Variants in SMCHD1 observed in about 807,000 individuals in gnomAD.
The protein encoded by SMCHD1 is structural maintenance of chromosomes flexible hinge domain containing 1.
A neutral mutation model predicts 254.7 loss-of-function variants in SMCHD1; 78 were observed. The ratio of observed to expected loss-of-function variants is 0.31; its 90% CI spans 0.26 to 0.37. The LOEUF is 0.37. SMCHD1 is among the 10% of genes least tolerant of loss of function. SMCHD1 has a pLI of 1.00. For missense variants in SMCHD1, 1,840 were observed against 2,408.1 expected, an observed-to-expected ratio of 0.76 and a Z score of 4.94; for synonymous variants, 766 against 794.9, an observed-to-expected ratio of 0.96 and a Z score of 0.61.
chr18:2,690,802 A>T (rs769589698), intron 7 of SMCHD1, among the ~76,000 whole-genome samples: 10 of 151,850 alleles, frequency 6.6e-5, no homozygotes, highest in Non-Finnish European at 1.0e-4. Context: ...AACTTTTTAA[A>T]TGTTCATGGC....
At chr18:2,742,831 T>G (rs1046235349) in intron 28 of SMCHD1, among the ~76,000 whole-genome samples, 37 of 152,208 alleles carry the variant, frequency 2.4e-4, no homozygotes, top group African/African-American at 8.4e-4. Context: ...CGCATGCCAC[T>G]ACACCTGGCT....
At chr18:2,790,813 G>C (rs1402330170) in intron 45 of SMCHD1, among the ~76,000 whole-genome samples, 1 of 152,038 alleles carries the variant, frequency 6.6e-6, no homozygotes, top group Non-Finnish European at 1.5e-5. Context: ...AATGTCCCTA[G>C]CATAAAGAAA....
chr18:2,691,863 G>A (rs2074187600), intron 7 of SMCHD1: 1 of 152,232 alleles, frequency 6.6e-6, no homozygotes, highest in Non-Finnish European at 1.5e-5. Context: ...TGATCTCACT[G>A]CCACAATTGC....
chr18:2,704,164 A>G (rs1049985617), intron 13 of SMCHD1, among the ~76,000 whole-genome samples: 5 of 152,130 alleles, frequency 3.3e-5, no homozygotes, highest in Non-Finnish European at 7.4e-5. Flanking sequence ...GTAACAACAA[A>G]TAATGCAAAT....
At chr18:2,660,301 G>A (rs181089753) in intron 1 of SMCHD1, among the ~76,000 whole-genome samples, 19 of 152,010 alleles carry the variant, frequency 1.2e-4, no homozygotes, top group African/African-American at 4.1e-4. Flanking sequence ...CTCTAGCCTG[G>A]GTGGCAGAGC....
At chr18:2,768,164 T>TAA (rs55746253) in intron 37 of SMCHD1, among the ~76,000 whole-genome samples, 11 of 147,720 alleles carry the variant, frequency 7.4e-5, no homozygotes, top group Non-Finnish European at 1.3e-4. Context: ...GCAAATCAAT[T>TAA]AAAAAAAAAA....
rs2073458481 is a variant in SMCHD1 at position 2,666,976 on chromosome 18, A to G, written c.369A>G (p.Thr123=). ...ERIDFLPHYD[T]LVKSGMYEYY... ...TTGACTTCTTACCTCACTATGACAC[A>G]CTGGTTAAAAGTGGCATGTATGAAT... The change falls in exon 3 of 48, where the codon ACA becomes ACG. Residue 123 remains threonine, a synonymous_variant. Transcript: ENST00000320876. 5 of 1,607,924 alleles carry G rather than the reference A, an allele frequency of 3.1e-6. No individual in the cohort carries two copies. The highest frequency in any genetic ancestry group is 1.7e-5 in the Admixed American group (1 of 58,978).
chr18:2,706,580 A>C, intron 15 of SMCHD1, 110 bp downstream of exon 15: 1 of 705,388 alleles, frequency 1.4e-6, no homozygotes, highest in Middle Eastern at 2.5e-4. Flanking sequence ...TTGTAGTCTT[A>C]GATATTGTAC....
intron 17 of SMCHD1, among the ~76,000 whole-genome samples, chr18:2,711,552 G>C (rs908507068): frequency 7.2e-6 from 1 of 138,376 alleles, no homozygotes; most frequent in African/African-American, 2.7e-5. Context: ...GCGGGATCTC[G>C]GCTCACTGCA....
chr18:2,763,301 T>C (rs903367543), intron 36 of SMCHD1, among the ~76,000 whole-genome samples: 1 of 152,218 alleles, frequency 6.6e-6, no homozygotes, highest in Non-Finnish European at 1.5e-5. Context: ...ATAAAATATT[T>C]AAAGTCACTA....
At position 2,796,418 on chromosome 18, in the gene SMCHD1, A is replaced by G; in HGVS notation, c.5890A>G (p.Ile1964Val). 6.3e-7 allele frequency: 1 copy of G among 1,589,348 alleles called. No homozygotes were observed. The highest frequency in any genetic ancestry group is 8.6e-7 in the Non-Finnish European group (1 of 1,166,730). ...LIEEKLGMTP[I>V]RKCNDSLRHS... is the part of the protein sequence containing the mutation. ...TTCCATCTTCACAGGTATGACTCCC[A>G]TACGTAAGTGTAATGACTCATTGCG... Residue 1964 changes from isoleucine (I) to valine (V), a missense_variant, in exon 47 of 48, where the codon ATA (isoleucine) becomes GTA (valine). Ile to Val is a conservative substitution (Grantham distance 29). Around this residue, in one of 9 missense-constraint regions of SMCHD1, gnomAD observed 132 missense variants for 138.2 expected, o/e 0.95. Coordinates refer to ENST00000320876, the MANE Select transcript of SMCHD1 (RefSeq NM_015295.3).
At chr18:2,791,352 G>A (rs912931355) in intron 45 of SMCHD1, among the ~76,000 whole-genome samples, 2 of 152,184 alleles carry the variant, frequency 1.3e-5, no homozygotes, top group African/African-American at 4.8e-5. Context: ...CACTTTGGGA[G>A]ACCAAGATGG....
intron 17 of SMCHD1, among the ~76,000 whole-genome samples, chr18:2,716,263 C>T (rs773949571): frequency 5.3e-5 from 8 of 152,156 alleles, no homozygotes; most frequent in Non-Finnish European, 1.2e-4. Context: ...TGTGTAGCTG[C>T]AGTGGTATGG....
At chr18:2,694,721 T>G (rs753078225) in intron 8 of SMCHD1, 28 bp downstream of exon 8, 5 of 1,595,678 alleles carry the variant, frequency 3.1e-6, no homozygotes, top group East Asian at 2.2e-5. Context: ...GCTTAGGAAA[T>G]GTTGCTACTT....
In SMCHD1 at chr18:2,730,384, A is replaced by G. The variant is rs541101538; in HGVS notation, c.3048+975A>G. Among the ~76,000 whole-genome samples, 750 of 152,144 alleles carry G rather than the reference A, an allele frequency of 4.9e-3. 1 individual carries two copies. Among genetic ancestry groups the G allele is most frequent in the Non-Finnish European group, 8.2e-3 (557 of 67,990 alleles). ...ATGGGGTTTCACCGTGTTAGCCAGGATGGTCTCGACCTCCTGAGCTCGTGA... is the reference window on the plus strand; with the variant it reads ...ATGGGGTTTCACCGTGTTAGCCAGGGTGGTCTCGACCTCCTGAGCTCGTGA... On this transcript the variant is annotated intron_variant, in intron 24 of 47. Transcript: ENST00000320876.
intron 8 of SMCHD1, among the ~76,000 whole-genome samples, chr18:2,695,193 A>G (rs936805848): frequency 1.3e-5 from 2 of 152,306 alleles, no homozygotes; most frequent in African/African-American, 4.8e-5. Flanking sequence ...ATATGTGCCT[A>G]TATGACATTA....
intron 36 of SMCHD1, 124 bp downstream of exon 36, chr18:2,762,360 T>C (rs2075800868): frequency 1.4e-6 from 1 of 726,328 alleles, no homozygotes; most frequent in Admixed American, 2.9e-5. Flanking sequence ...GGAAAACTTG[T>C]GCAGATGAAT....
chr18:2,675,201 C>CAATAA (rs992713409), intron 5 of SMCHD1, among the ~76,000 whole-genome samples: 1 of 150,338 alleles, frequency 6.7e-6, no homozygotes, highest in Non-Finnish European at 1.5e-5. Flanking sequence ...GGTAAACAGT[C>CAATAA]AATAAATATA....
intron 38 of SMCHD1, 48 bp downstream of exon 38, chr18:2,769,868 T>A: frequency 6.4e-7 from 1 of 1,568,026 alleles, no homozygotes; most frequent in South Asian, 1.2e-5. Context: ...TAGTGATACT[T>A]TAGATAACCT....
Sources: allele counts gnomAD v4.1 joint callset (sites outside exome capture counted in the v4.1 genomes callset), GRCh38; gene constraint gnomAD v4.1.1; regional missense constraint gnomAD v4.1.1; transcripts MANE v1.5; gene names NCBI Gene and HGNC (gene_info 2026-07-23, HGNC 2026-07-21).